The following ITGBL1 variants were observed in gnomAD, a reference collection of about 807,000 sequenced individuals.
The protein encoded by ITGBL1 is integrin beta-like protein 1.
A neutral mutation model predicts 68.5 loss-of-function variants in ITGBL1; 51 were observed. That is an observed-to-expected ratio of 0.74 (90% confidence interval 0.59 to 0.94). The LOEUF is 0.94. ITGBL1 is among the 40% of genes least tolerant of loss of function. ITGBL1 has a pLI of 0.00. For synonymous variants in ITGBL1, 209 were observed against 227.3 expected (o/e 0.92, Z 0.72); for missense variants, 649 against 647.4 (o/e 1.00, Z -0.03).
chr13:101,719,302 T>TAAAG (rs2034837140), downstream of ITGBL1: 1 of 152,110 alleles, frequency 6.6e-6, no homozygotes, highest in Non-Finnish European at 1.5e-5. Context: ...CTAGGTATGA[T>TAAAG]AAAGAACTTC....
intron 7 of ITGBL1, among the ~76,000 whole-genome samples, chr13:101,625,768 T>C (rs1344429284): frequency 6.6e-6 from 1 of 151,990 alleles, no homozygotes; most frequent in African/African-American, 2.4e-5. Flanking sequence ...TGGCCAGGCT[T>C]GTCTTTAACT....
chr13:101,578,684 G>A (rs568792639), intron 4 of ITGBL1, among the ~76,000 whole-genome samples: 2 of 152,336 alleles, frequency 1.3e-5, no homozygotes, highest in South Asian at 4.1e-4. Context: ...AGTAGAAAGG[G>A]AATTTGATTG....
At chr13:101,564,691 C>T (rs1242429271) in intron 2 of ITGBL1, among the ~76,000 whole-genome samples, 2 of 148,728 alleles carry the variant, frequency 1.3e-5, no homozygotes, top group East Asian at 2.0e-4. Context: ...CATACATATA[C>T]ATGTATGTAT....
chr13:101,484,387 GTTTATTT>G (rs2048671313), intron 2 of ITGBL1, among the ~76,000 whole-genome samples: 1 of 151,948 alleles, frequency 6.6e-6, no homozygotes, highest in Non-Finnish European at 1.5e-5. Context: ...TTTCTACATG[GTTTATTT>G]AATTCTTAAA....
In ITGBL1 at chr13:101,558,077, C is replaced by G. The variant is rs539159265; in HGVS notation, c.317-9622C>G. Among the ~76,000 whole-genome samples, 19 of 67,440 alleles carry G rather than the reference C, an allele frequency of 2.8e-4. No homozygotes were observed. In the East Asian group the frequency reaches 6.8e-3, roughly 24 times the overall value. The allele number at this position is 67,440 out of a possible 152,430, so 44.2% of individuals were successfully genotyped here. On this transcript the variant is annotated intron_variant, in intron 2 of 10. Transcript: ENST00000376180. Reference sequence around the variant, plus strand: ...CCAGCCTGGGAGACAGAGCAAAACTCCGTCTCAAAAAAAAAAAAAAAAAAA... The same window carrying G: ...CCAGCCTGGGAGACAGAGCAAAACTGCGTCTCAAAAAAAAAAAAAAAAAAA...
In ITGBL1 at chr13:101,705,127, GTCTT is replaced by G. The variant is rs1262383618; in HGVS notation, c.1133-1622_1133-1619del. 2.0e-5 allele frequency among the ~76,000 whole-genome samples: 3 copies of G among 151,902 alleles called. No individual in the cohort carries two copies. The East Asian group carries it at 5.8e-4, about 30-fold the overall frequency. On this transcript the variant is annotated intron_variant, in intron 8 of 10. Coordinates refer to ENST00000376180, the MANE Select transcript of ITGBL1 (RefSeq NM_004791.3). The stretch of plus-strand genomic sequence containing the variant: ...GAATGTCAGACATTCCTAGTATCCT[GTCTT>G]TCTTTCAGGATCCCAATTTTCTCCA...
At chr13:101,627,143 T>C (rs550890859) in intron 7 of ITGBL1, among the ~76,000 whole-genome samples, 1 of 152,322 alleles carries the variant, frequency 6.6e-6, no homozygotes, top group East Asian at 1.9e-4. Context: ...TTTACTTTCA[T>C]TTTCACTGCT....
intron 2 of ITGBL1, among the ~76,000 whole-genome samples, chr13:101,495,028 G>A (rs1239025891): frequency 6.6e-6 from 1 of 152,184 alleles, no homozygotes; most frequent in Non-Finnish European, 1.5e-5. Context: ...TACTTCCCAT[G>A]ATTGACATTC....
At chr13:101,634,036 C>T (rs1405003340) in intron 7 of ITGBL1, among the ~76,000 whole-genome samples, 6 of 152,024 alleles carry the variant, frequency 3.9e-5, no homozygotes, top group Non-Finnish European at 7.4e-5. Context: ...GAAAAGTTAT[C>T]AATAGTACTA....
At chr13:101,715,357 C>A in intron 10 of ITGBL1, 1 of 554,732 alleles carries the variant, frequency 1.8e-6, no homozygotes. Context: ...TAAAGGGTGG[C>A]ACCAAATAAA....
At chr13:101,663,565 G>A (rs981892736) in intron 7 of ITGBL1, among the ~76,000 whole-genome samples, 1 of 152,068 alleles carries the variant, frequency 6.6e-6, no homozygotes, top group African/African-American at 2.4e-5. Flanking sequence ...CATTTCTTGT[G>A]CATATCCTTA....
At chr13:101,604,350 G>T (rs1200853962) in intron 7 of ITGBL1, among the ~76,000 whole-genome samples, 1 of 151,818 alleles carries the variant, frequency 6.6e-6, no homozygotes, top group Non-Finnish European at 1.5e-5. Context: ...TTAAGCAATA[G>T]AGTATGTTTA....
chr13:101,718,460 A>G (rs2034806359), downstream of ITGBL1: 1 of 152,046 alleles, frequency 6.6e-6, no homozygotes, highest in African/African-American at 2.4e-5. Context: ...AGCAAATCTC[A>G]TTGGCTCATT....
At position 101,579,407 on chromosome 13, in the gene ITGBL1, G is replaced by C. The variant is rs534824718; in HGVS notation, c.707G>C (p.Gly236Ala). Residue 236 changes from glycine (G) to alanine (A), a missense_variant, in exon 5 of 11, where the codon GGC (glycine) becomes GCC (alanine). By Grantham distance (60) the Gly-to-Ala change is moderately conservative (BLOSUM62 0). Coordinates refer to ENST00000376180, the MANE Select transcript of ITGBL1 (RefSeq NM_004791.3). The part of the protein sequence containing the change: ...ESKRRCTSPD[G>A]KICSNRGTCV... ...AAGCGAAGATGCACGTCTCCAGATGGCAAAATCTGCAGTAACAGAGGTGTG... is the reference window on the plus strand; with the variant it reads ...AAGCGAAGATGCACGTCTCCAGATGCCAAAATCTGCAGTAACAGAGGTGTG... 6 of 1,613,672 alleles carry C rather than the reference G, an allele frequency of 3.7e-6. No individual in the cohort carries two copies. In the African/African-American group the frequency reaches 6.7e-5, roughly 18 times the overall value.
chr13:101,664,814 A>G (rs1260802418), intron 7 of ITGBL1, among the ~76,000 whole-genome samples: 3 of 151,594 alleles, frequency 2.0e-5, no homozygotes, highest in Admixed American at 6.6e-5. Flanking sequence ...GCTCACTGCA[A>G]CCTCTGCTTT....
At chr13:101,489,850 T>G in intron 2 of ITGBL1, 1 of 669,278 alleles carries the variant, frequency 1.5e-6, no homozygotes, top group Non-Finnish European at 2.6e-6. Flanking sequence ...TCAGTTTGTC[T>G]GACTCATTGG....
At chr13:101,590,427 G>C (rs1366562471) in intron 6 of ITGBL1, among the ~76,000 whole-genome samples, 1 of 151,952 alleles carries the variant, frequency 6.6e-6, no homozygotes, top group African/African-American at 2.4e-5. Context: ...CCTCCTGTGG[G>C]GCACGTCACT....
intron 3 of ITGBL1, among the ~76,000 whole-genome samples, chr13:101,570,113 C>T (rs901796133): frequency 3.3e-5 from 5 of 152,058 alleles, no homozygotes; most frequent in Admixed American, 1.3e-4. Flanking sequence ...AGGAATCCTC[C>T]TCTCTCATTT....
intron 2 of ITGBL1, among the ~76,000 whole-genome samples, chr13:101,492,380 G>C (rs1333789906): frequency 6.6e-6 from 1 of 152,194 alleles, no homozygotes; most frequent in Non-Finnish European, 1.5e-5. Context: ...TCTGAGAACA[G>C]GGATATGAAA....
Sources: gnomAD v4.1 joint callset for allele counts (sites outside exome capture counted in the v4.1 genomes callset) on GRCh38, gnomAD v4.1.1 for gene constraint, MANE v1.5 for transcripts, NCBI Gene and HGNC (gene_info 2026-07-23, HGNC 2026-07-21) for gene names.